RNF166: variants seen among roughly 807,000 people sequenced by gnomAD.
RNF166 encodes ring finger protein 166, also known as E3 ubiquitin-protein ligase RNF166.
In RNF166, 19 loss-of-function variants were observed where a neutral mutation model predicts 29.4. The ratio of observed to expected loss-of-function variants is 0.65; its 90% confidence interval spans 0.45 to 0.95. The LOEUF is 0.95. Among genes scored for constraint, RNF166 ranks in the 40% least tolerant of loss-of-function variants. RNF166 has a pLI of 0.00. For missense variants in RNF166, 347 were observed against 322.1 expected (o/e 1.08, Z -0.59); for synonymous variants, 171 against 134.5 (o/e 1.27, Z -1.88).
chr16:88,701,121 G>T, intron 2 of RNF166, 141 bp downstream of exon 2: 1 of 1,277,752 alleles, frequency 7.8e-7, no homozygotes, highest in Non-Finnish European at 1.1e-6. Flanking sequence ...CGCCGGGGCT[G>T]GCTTCCTGGT....
At chr16:88,703,980 A>G (rs1910522754) in intron 1 of RNF166, 1 of 985,460 alleles carries the variant, frequency 1.0e-6, no homozygotes, top group Non-Finnish European at 1.2e-6. Context: ...GCTTCTGGTT[A>G]CAGAGGTGGC....
chr16:88,698,621 A>G lies in RNF166; in HGVS notation c.541-12T>C. The G allele has an allele frequency of 6.7e-7, 1 of 1,503,498 alleles. No homozygotes were observed. The highest frequency in any genetic ancestry group is 1.3e-5 in the South Asian group (1 of 76,806). The allele number at this position is 1,503,498 out of a possible 1,614,324, so 93.1% of individuals were successfully genotyped here. A position where few individuals can be genotyped will look rare whatever the true frequency, so the allele number is the denominator to read the frequency against. ...CAGATGGGGCACACCTGGAACAGGC[A>G]CTGGGGTCAAGCCGAGCCGGACCGC... On this transcript the variant is annotated splice_polypyrimidine_tract_variant and intron_variant, in intron 4 of 5. Transcript: ENST00000312838.
rs115328417 is a variant in RNF166 at position 88,697,797 on chromosome 16, C to T, written c.649-164G>A. 6.5e-3 allele frequency: 3,883 copies of T among 599,466 alleles called. 107 individuals carry two copies. In the African/African-American group the frequency reaches 0.065, roughly 10 times the overall value. 37.1% of individuals were successfully genotyped at this position (599,466 alleles called of 1,614,324 possible). Reference sequence around the variant, plus strand: ...CCCACAGGCTCGGGGCCTGCACGGTCCTCTGGGGGGTGAGAAGGTGAAGGT... The same window carrying T: ...CCCACAGGCTCGGGGCCTGCACGGTTCTCTGGGGGGTGAGAAGGTGAAGGT... On this transcript the variant is annotated intron_variant, in intron 5 of 5. Coordinates refer to ENST00000312838, the MANE Select transcript of RNF166 (RefSeq NM_178841.4).
intron 2 of RNF166, chr16:88,700,052 C>G (rs1331477167): frequency 1.0e-5 from 2 of 197,906 alleles, no homozygotes; most frequent in Admixed American, 6.0e-5. Context: ...AGGAAGAGGC[C>G]AAGTGGAGGC....
chr16:88,702,850 G>A, intron 1 of RNF166: 1 of 985,490 alleles, frequency 1.0e-6, no homozygotes, highest in Non-Finnish European at 1.2e-6. Flanking sequence ...ATTTGAGCCG[G>A]GGGGGCCGCC....
At chr16:88,703,070 G>A (rs1005048637) in intron 1 of RNF166, 7 of 985,562 alleles carry the variant, frequency 7.1e-6, no homozygotes, top group Non-Finnish European at 8.4e-6. Flanking sequence ...CGCACCGGAA[G>A]GCCTGGAAAA....
At chr16:88,703,844 C>T (rs1910510057) in intron 1 of RNF166, 1 of 985,454 alleles carries the variant, frequency 1.0e-6, no homozygotes, top group Non-Finnish European at 1.2e-6. Context: ...ACGGCCCGTG[C>T]CTCAGGGATC....
chr16:88,706,392 C>A lies in RNF166; in HGVS notation c.-67G>T. 3 of 1,213,558 alleles carry A rather than the reference C, an allele frequency of 2.5e-6. No individual in the cohort carries two copies. Among genetic ancestry groups the A allele is most frequent in the Non-Finnish European group, 3.1e-6 (3 of 968,502 alleles). 75.2% of individuals were successfully genotyped at this position (1,213,558 alleles called of 1,614,324 possible). On this transcript the variant is annotated 5_prime_UTR_variant, in exon 1 of 6. Transcript: ENST00000312838. ...CCCGGGCCGGCCCGCTAGTCACAGC[C>A]GCTACTGCGCCGCGCTGACGTCATC... is the stretch of plus-strand genomic sequence containing the variant.
chr16:88,703,838 C>T, intron 1 of RNF166: 1 of 985,428 alleles, frequency 1.0e-6, no homozygotes, highest in Non-Finnish European at 1.2e-6. Flanking sequence ...GCTGGGACGG[C>T]CCGTGCCTCA....
At chr16:88,704,142 G>A (rs943442275) in intron 1 of RNF166, 5 of 985,474 alleles carry the variant, frequency 5.1e-6, no homozygotes, top group Non-Finnish European at 6.0e-6. Flanking sequence ...CTCTGGTTGG[G>A]GAGCTTGCGG....
At chr16:88,705,758 T>C (rs1174756290) in intron 1 of RNF166, among the ~76,000 whole-genome samples, 1 of 152,240 alleles carries the variant, frequency 6.6e-6, no homozygotes, top group Non-Finnish European at 1.5e-5. Flanking sequence ...CAAGAGTTGA[T>C]AGCAAAAACT....
At chr16:88,697,663 C>T (rs1909764016) in intron 5 of RNF166, 30 bp from the exon 6 acceptor site, 1 of 1,515,362 alleles carries the variant, frequency 6.6e-7, no homozygotes, top group Non-Finnish European at 9.0e-7. Flanking sequence ...ATGCACCGGG[C>T]TCGAGGGAGA....
intron 1 of RNF166, among the ~76,000 whole-genome samples, chr16:88,704,931 G>A (rs535388308): frequency 7.5e-4 from 114 of 152,254 alleles, no homozygotes; most frequent in Non-Finnish European, 1.3e-3. Flanking sequence ...TGGAGGTTGC[G>A]GTGAGCCGAG....
chr16:88,704,307 A>C (rs1940528095), intron 1 of RNF166: 1 of 985,356 alleles, frequency 1.0e-6, no homozygotes, highest in African/African-American at 1.7e-5. Context: ...CCAGCAGGAA[A>C]AGTCGGGGAG....
At position 88,699,659 on chromosome 16, in the gene RNF166, T is replaced by A. The variant is rs879697096; in HGVS notation, c.386A>T (p.Lys129Met). 8 of 1,613,358 alleles carry A rather than the reference T, an allele frequency of 5.0e-6. No individual in the cohort carries two copies. Among genetic ancestry groups the A allele is most frequent in the African/African-American group, 1.3e-5 (1 of 74,930 alleles). Residue 129 changes from lysine to methionine, a missense_variant, in exon 3 of 6, where the codon AAG becomes ATG. Coordinates refer to ENST00000312838, the MANE Select transcript of RNF166 (RefSeq NM_178841.4). ...TGATGTGGGCACCACGGGGACGAAC[T>A]TGGGGCAGTTGGCCATCTGCTCCTG... is the stretch of plus-strand genomic sequence containing the variant. ...KVQEQMANCP[K>M]FVPVVPTSQP...
intron 1 of RNF166, chr16:88,703,137 T>A: frequency 1.0e-6 from 1 of 985,438 alleles, no homozygotes. Flanking sequence ...CCACTCACGC[T>A]CAACGTCCAG....
rs1304855048 is a variant in RNF166 at position 88,704,631 on chromosome 16, C to T, written c.155+1540G>A. ...CTAAAACAAGGCCTAAGTCAAGCCT[C>T]ACAGCGCTCAGTAACAGATGAGAAG... is the stretch of plus-strand genomic sequence containing the variant. On this transcript the variant is annotated intron_variant, in intron 1 of 5. Coordinates refer to ENST00000312838, the MANE Select transcript of RNF166 (RefSeq NM_178841.4). 6 of 847,616 alleles carry T rather than the reference C, an allele frequency of 7.1e-6. No homozygotes were observed. In the African/African-American group the frequency reaches 7.4e-5, roughly 10 times the overall value. The allele number at this position is 847,616 out of a possible 1,614,324, so 52.5% of individuals were successfully genotyped here. A position where few individuals can be genotyped will look rare whatever the true frequency, so the allele number is the denominator to read the frequency against.
chr16:88,701,493 C>A, intron 1 of RNF166, 75 bp from the exon 2 acceptor site: 1 of 1,390,308 alleles, frequency 7.2e-7, no homozygotes, highest in Non-Finnish European at 9.5e-7. Context: ...CGGGGCCCTT[C>A]TTAGGACCCA....
At position 88,699,073 on chromosome 16, in the gene RNF166, G is replaced by A. The variant is rs141002164; in HGVS notation, c.438C>T (p.Asn146=). Residue 146 remains asparagine, a synonymous_variant, in exon 4 of 6, where the codon AAC becomes AAT. Coordinates refer to ENST00000312838, the MANE Select transcript of RNF166 (RefSeq NM_178841.4). ...AGTACGGGCAGGCGAAGGTGGACCT[G>A]TTGGGGATGTTGCTGGCGGGGCGGG... The part of the protein sequence containing the change: ...TSQPIPSNIP[N]RSTFACPYCG... 19 of 1,608,148 alleles carry A rather than the reference G, an allele frequency of 1.2e-5. No homozygotes were observed. Among genetic ancestry groups the A allele is most frequent in the Non-Finnish European group, 1.5e-5 (18 of 1,177,502 alleles).
Sources: gnomAD v4.1 joint callset for allele counts (sites outside exome capture counted in the v4.1 genomes callset) on GRCh38, gnomAD v4.1.1 for gene constraint, MANE v1.5 for transcripts, NCBI Gene and HGNC (gene_info 2026-07-23, HGNC 2026-07-21) for gene names.